The following CD81 variants were observed in gnomAD, a reference collection of about 807,000 sequenced individuals.
The protein encoded by CD81 is CD81 antigen.
CD81 carries 10 observed loss-of-function variants against 30.1 expected under a neutral mutation model. That is an observed-to-expected ratio of 0.33 (90% CI 0.21 to 0.56). The LOEUF (loss-of-function observed/expected upper bound fraction) is 0.56. Ranked by LOEUF, CD81 falls within the 20% of genes least tolerant of loss-of-function variation. CD81 has a pLI of 0.89. For missense variants in CD81, 263 were observed against 308.7 expected (o/e 0.85, Z 1.11); for synonymous variants, 147 against 126.4 (o/e 1.16, Z -1.10).
intron 5 of CD81, 109 bp downstream of exon 5, chr11:2,395,629 C>A: frequency 1.1e-6 from 1 of 894,560 alleles, no homozygotes; most frequent in Non-Finnish European, 1.8e-6. Context: ...GCAGGAGGTG[C>A]CCTTGGGACC....
At chr11:2,387,552 A>T (rs909324454) in intron 1 of CD81, among the ~76,000 whole-genome samples, 1 of 150,108 alleles carries the variant, frequency 6.7e-6, no homozygotes, top group African/African-American at 2.5e-5. Context: ...CCCAGCCCCC[A>T]CCCTTCCTGC....
At chr11:2,376,486 A>C (rs1849590150), upstream of CD81, 1 of 151,970 alleles carries the variant, frequency 6.6e-6, no homozygotes, top group African/African-American at 2.4e-5. Context: ...AGCACCCTTC[A>C]CTCTCTGAAT....
intron 1 of CD81, chr11:2,386,545 T>A: frequency 1.4e-6 from 1 of 717,084 alleles, no homozygotes; most frequent in Non-Finnish European, 2.6e-6. Context: ...CCACCATTGT[T>A]GTCACCTAGC....
intron 1 of CD81, among the ~76,000 whole-genome samples, chr11:2,385,058 G>T (rs1443456173): frequency 6.6e-6 from 1 of 152,084 alleles, no homozygotes; most frequent in African/African-American, 2.4e-5. Context: ...TTCCCATGCC[G>T]CTGCTTGCCC....
intron 1 of CD81, among the ~76,000 whole-genome samples, chr11:2,388,948 G>A (rs1163995707): frequency 6.6e-6 from 1 of 152,206 alleles, no homozygotes; most frequent in African/African-American, 2.4e-5. Context: ...CCTGCCTGAG[G>A]GCTGTGCACG....
At chr11:2,393,422 C>T (rs1849935490) in intron 2 of CD81, 1 of 162,716 alleles carries the variant, frequency 6.1e-6, no homozygotes, top group Non-Finnish European at 1.3e-5. Flanking sequence ...CCTGGTCCAG[C>T]TGTCCCAGGT....
At chr11:2,381,237 T>C (rs895585195) in intron 1 of CD81, among the ~76,000 whole-genome samples, 1 of 152,198 alleles carries the variant, frequency 6.6e-6, no homozygotes, top group Non-Finnish European at 1.5e-5. Context: ...AGTGAGGCTG[T>C]CCAGCAGTGC....
intron 1 of CD81, among the ~76,000 whole-genome samples, chr11:2,389,658 TG>T (rs1849860731): frequency 1.3e-5 from 2 of 152,150 alleles, no homozygotes; most frequent in African/African-American, 4.8e-5. Flanking sequence ...GCGACAGCGC[TG>T]GGCCGGCTTC....
chr11:2,393,763 CGGTGGGT>C, intron 2 of CD81: 1 of 607,330 alleles, frequency 1.6e-6, no homozygotes, highest in South Asian at 1.9e-5. Context: ...CAGGTGCAGG[CGGTGGGT>C]GGTGGGTGTG....
intron 6 of CD81, 200 bp downstream of exon 6, chr11:2,396,170 G>A (rs571196062): frequency 3.3e-5 from 21 of 629,636 alleles, no homozygotes; most frequent in Middle Eastern, 4.2e-4. Context: ...CCTGTGCTGC[G>A]CATTCCGGGT....
intron 2 of CD81, among the ~76,000 whole-genome samples, chr11:2,390,897 G>GAGGA (rs1458710144): frequency 2.8e-5 from 4 of 144,044 alleles, no homozygotes; most frequent in African/African-American, 2.5e-5. Flanking sequence ...GGGAGGGAGG[G>GAGGA]ATGGAGCTCA....
chr11:2,390,598 TGG>T, intron 2 of CD81, 72 bp downstream of exon 2: 2 of 1,082,818 alleles, frequency 1.8e-6, no homozygotes, highest in East Asian at 4.8e-5. Flanking sequence ...GCCTTTTGGA[TGG>T]GGACATGGAG....
At position 2,395,906 on chromosome 11, in the gene CD81, C is replaced by G. The variant is rs1203531100; in HGVS notation, c.497C>G (p.Thr166Ser). The G allele has an allele frequency of 6.2e-7, 1 of 1,612,208 alleles. No individual in the cohort carries two copies. The highest frequency in any genetic ancestry group is 8.5e-7 in the Non-Finnish European group (1 of 1,179,480). The change falls in exon 6 of 8, where the codon ACC (threonine) becomes AGC (serine). Residue 166 changes from threonine (T) to serine (S), a missense_variant. This residue lies in a region of CD81 where 176 missense variants were observed against 192.9 expected (regional missense o/e 0.91). Coordinates refer to ENST00000263645, the MANE Select transcript of CD81 (RefSeq NM_004356.4). ...GGCTCCAGCACACTGACTGCTTTGACCACCTCAGTGCTCAAGAACAATTTG... is the reference window on the plus strand; with the variant it reads ...GGCTCCAGCACACTGACTGCTTTGAGCACCTCAGTGCTCAAGAACAATTTG... ...CCGSSTLTAL[T>S]TSVLKNNLCP...
At chr11:2,385,494 G>A (rs1439918999) in intron 1 of CD81, among the ~76,000 whole-genome samples, 5 of 152,278 alleles carry the variant, frequency 3.3e-5, no homozygotes, top group South Asian at 4.1e-4. Flanking sequence ...CACCCGTGCC[G>A]TGGCCTGCCC....
At chr11:2,381,357 C>T (rs889201758) in intron 1 of CD81, among the ~76,000 whole-genome samples, 1 of 152,252 alleles carries the variant, frequency 6.6e-6, no homozygotes, top group African/African-American at 2.4e-5. Context: ...CTGCGGTCAC[C>T]AGGGTGCATG....
At chr11:2,386,032 G>A (rs906996123) in intron 1 of CD81, 4 of 716,954 alleles carry the variant, frequency 5.6e-6, no homozygotes, top group African/African-American at 5.2e-5. Context: ...AGCCCCCGTT[G>A]TATGCGTCCC....
At chr11:2,393,504 T>G in intron 2 of CD81, 2 of 225,776 alleles carry the variant, frequency 8.9e-6, no homozygotes, top group Non-Finnish European at 8.9e-6. Context: ...AGCAGCCAGG[T>G]TCAAATGCAG....
chr11:2,390,870 C>A (rs913524385), intron 2 of CD81, among the ~76,000 whole-genome samples: 1 of 142,184 alleles, frequency 7.0e-6, no homozygotes, highest in Admixed American at 7.0e-5. Flanking sequence ...AGGCAGCTGG[C>A]GCTGTGGAGC....
rs1850024426 is a variant in CD81 at position 2,397,018 on chromosome 11, G to C, written c.*152G>C. 3 of 755,644 alleles carry C rather than the reference G, an allele frequency of 4.0e-6. No individual in the cohort carries two copies. The South Asian group carries it at 4.6e-5, about 12-fold the overall frequency. 46.8% of individuals were successfully genotyped at this position (755,644 alleles called of 1,614,324 possible). ...ACTTTTGGGGTTTTGTTTTTGTTCT[G>C]AACTTTCCTGTTACCTTTTCAGGGC... On this transcript the variant is annotated 3_prime_UTR_variant, in exon 8 of 8. Transcript: ENST00000263645.
Sources: gnomAD v4.1 joint callset for allele counts (sites outside exome capture counted in the v4.1 genomes callset) on GRCh38, gnomAD v4.1.1 for gene constraint, gnomAD v4.1.1 regional missense constraint, MANE v1.5 for transcripts, NCBI Gene and HGNC (gene_info 2026-07-23, HGNC 2026-07-21) for gene names.